MEGF6: variants seen among roughly 807,000 people sequenced by gnomAD.
MEGF6 encodes the protein multiple epidermal growth factor-like domains protein 6.
A neutral mutation model predicts 207.1 loss-of-function variants in MEGF6; 184 were observed. The ratio of observed to expected loss-of-function variants is 0.89; its 90% CI spans 0.79 to 1.00. The LOEUF is 1.00. MEGF6 is among the 50% of genes least tolerant of loss of function. The probability of loss-of-function intolerance (pLI) is 0.00; values close to 1 mark genes in which losing one functional copy is unlikely to be tolerated. For synonymous variants in MEGF6, 1,038 were observed against 910.0 expected, an observed-to-expected ratio of 1.14 and a Z score of -2.53; for missense variants, 2,282 against 2,202.9, an observed-to-expected ratio of 1.04 and a Z score of -0.72.
At chr1:3,617,437 A>G in the MEGF6 span, among the ~76,000 whole-genome samples, 4 of 152,134 alleles carry the variant, frequency 2.6e-5, no homozygotes, top group Non-Finnish European at 4.4e-5. Context: ...TGATGAGAAC[A>G]CATGGACACA....
At position 3,594,192 on chromosome 1, in the gene MEGF6, G is replaced by T. The variant is rs1054173129; in HGVS notation, c.376+1146C>A. On this transcript the variant is annotated intron_variant, in intron 3 of 36. Transcript: ENST00000356575. The surrounding 1 kb of genome is among the most constrained non-coding windows in gnomAD (Gnocchi z 4.2). ...ACCTGTAATCCCAGCACTTTGGAAG[G>T]CCGAGGTGGAAGGATCGCTTGAGCC... Among the ~76,000 whole-genome samples, 1 of 152,228 alleles carries T rather than the reference G, an allele frequency of 6.6e-6. No individual in the cohort carries two copies. The highest frequency in any genetic ancestry group is 1.5e-5 in the Non-Finnish European group (1 of 68,042).
intron 4 of MEGF6, among the ~76,000 whole-genome samples, chr1:3,541,926 CCG>C (rs1477255882): frequency 2.0e-5 from 3 of 152,234 alleles, no homozygotes; most frequent in African/African-American, 7.2e-5. Flanking sequence ...CAGAGCCCAC[CCG>C]CGTCCCACAG....
chr1:3,540,482 C>A (rs1391059092), intron 4 of MEGF6, among the ~76,000 whole-genome samples: 5 of 152,236 alleles, frequency 3.3e-5, no homozygotes, highest in African/African-American at 1.2e-4. Context: ...GGCTCCAGGG[C>A]CCATGGGCGA....
chr1:3,496,085 G>C (rs1229157363), intron 29 of MEGF6, 67 bp from the exon 30 acceptor site: 1 of 1,458,202 alleles, frequency 6.9e-7, no homozygotes, highest in Non-Finnish European at 9.0e-7. Flanking sequence ...ACCCCGGAGT[G>C]GGGATAGGAC....
chr1:3,495,182 T>C (rs1640549706), intron 30 of MEGF6, among the ~76,000 whole-genome samples: 1 of 152,186 alleles, frequency 6.6e-6, no homozygotes, highest in Non-Finnish European at 1.5e-5. Context: ...GGATGCCTGA[T>C]GACCGGCCTG....
In MEGF6 at chr1:3,495,981, G is replaced by T. The variant is rs751320519; in HGVS notation, c.3780C>A (p.His1260Gln). ...CCGCCCCCTGCCCACACCCACACAC[G>T]TGGGTGCAGTTGGGGCCGAAGCGGC... ...PQGRFGPNCT[H>Q]VCGCGQGAAC... Residue 1260 changes from histidine to glutamine, a missense_variant, in exon 30 of 37, where the codon CAC (histidine) becomes CAA (glutamine). By Grantham distance (24) the His-to-Gln change is conservative (BLOSUM62 0). Coordinates refer to ENST00000356575, the MANE Select transcript of MEGF6 (RefSeq NM_001409.4). 1.9e-6 allele frequency: 3 copies of T among 1,568,120 alleles called. No individual in the cohort carries two copies. The highest frequency in any genetic ancestry group is 2.3e-5 in the South Asian group (2 of 86,626).
chr1:3,498,938 G>A (rs953348608), intron 24 of MEGF6, 112 bp from the exon 25 acceptor site: 6 of 1,446,348 alleles, frequency 4.1e-6, no homozygotes, highest in South Asian at 1.3e-5. Context: ...CTTGCAGGGG[G>A]CTGCCCCTAG....
intron 4 of MEGF6, among the ~76,000 whole-genome samples, chr1:3,570,130 C>A (rs1177648231): frequency 6.6e-6 from 1 of 152,212 alleles, no homozygotes; most frequent in Non-Finnish European, 1.5e-5. Flanking sequence ...GGTGGCCCAG[C>A]CTGAGCATAG....
intron 4 of MEGF6, among the ~76,000 whole-genome samples, chr1:3,529,004 G>A (rs1642058016): frequency 6.6e-6 from 1 of 152,168 alleles, no homozygotes; most frequent in Non-Finnish European, 1.5e-5. Flanking sequence ...GCTGGAAATC[G>A]GGGCTCCCAG....
chr1:3,506,146 A>G lies in MEGF6; in HGVS notation c.1880T>C (p.Leu627Pro). Residue 627 changes from leucine to proline, a missense_variant, in exon 15 of 37, where the codon CTC (leucine) becomes CCC (proline). Physicochemically the swap from Leu to Pro is moderately conservative, Grantham distance 98. Coordinates refer to ENST00000356575, the MANE Select transcript of MEGF6 (RefSeq NM_001409.4). Reference sequence around the variant, plus strand: ...GCGGCCGTAGAGCCCTGGGTCGCAGAGGCAGGCCCCGTAGAGGCGGTGGCA... The same window carrying G: ...GCGGCCGTAGAGCCCTGGGTCGCAGGGGCAGGCCCCGTAGAGGCGGTGGCA... ...GRCHRLYGAC[L>P]CDPGLYGRFC... 1 of 1,598,912 alleles carries G rather than the reference A, an allele frequency of 6.3e-7. No individual in the cohort carries two copies. The highest frequency in any genetic ancestry group is 8.5e-7 in the Non-Finnish European group (1 of 1,173,388).
rs984114748 is a variant in MEGF6 at position 3,492,576 on chromosome 1, G to T, written c.4516+63C>A. 10 of 1,587,758 alleles carry T rather than the reference G, an allele frequency of 6.3e-6. No individual in the cohort carries two copies. The Admixed American group carries it at 8.4e-5, about 13-fold the overall frequency. The stretch of plus-strand genomic sequence containing the variant: ...GGGTGAGAGAGGGATCCTCTGCCAG[G>T]GTGGAGCTGAGGCTGATTGGGGGAT... On this transcript the variant is annotated intron_variant, in intron 35 of 36. Coordinates refer to ENST00000356575, the MANE Select transcript of MEGF6 (RefSeq NM_001409.4).
chr1:3,609,043 G>A (rs36031771), intron 1 of MEGF6, among the ~76,000 whole-genome samples: 77,293 of 152,112 alleles, frequency 0.51, 20,662 homozygotes, highest in Non-Finnish European at 0.61. Flanking sequence ...CAGTGGTTCA[G>A]GAACACTCAG....
chr1:3,549,112 T>C (rs1642806561), intron 4 of MEGF6, among the ~76,000 whole-genome samples: 1 of 148,944 alleles, frequency 6.7e-6, no homozygotes. Flanking sequence ...GGCTCCGCGC[T>C]GGGTGATCTG....
Position 3,529,698 on chromosome 1 carries a change from G to T in MEGF6, c.482-5452C>A, listed in dbSNP as rs759256755. 9.2e-5 allele frequency among the ~76,000 whole-genome samples: 14 copies of T among 152,166 alleles called. 1 individual carries two copies. The highest frequency in any genetic ancestry group is 3.4e-4 in the African/African-American group (14 of 41,444). ...AGGCTGGGAGGTGGAGGAGCCTCAG[G>T]GAGCCCATGGGGCCCCCAGCGACCA... is the stretch of plus-strand genomic sequence containing the variant. On this transcript the variant is annotated intron_variant, in intron 4 of 36. Coordinates refer to ENST00000356575, the MANE Select transcript of MEGF6 (RefSeq NM_001409.4).
At chr1:3,592,071 T>G in intron 3 of MEGF6, among the ~76,000 whole-genome samples, 1 of 152,172 alleles carries the variant, frequency 6.6e-6, no homozygotes, top group East Asian at 1.9e-4. Context: ...CCACCCATTC[T>G]GCCCTGCCAG....
intron 4 of MEGF6, among the ~76,000 whole-genome samples, chr1:3,533,359 C>G (rs1642233055): frequency 6.6e-6 from 1 of 152,250 alleles, no homozygotes; most frequent in Non-Finnish European, 1.5e-5. Context: ...CCTCTGAGCC[C>G]TTGCCATGAG....
In MEGF6 at chr1:3,524,556, G is replaced by A. The variant is rs547241598; in HGVS notation, c.482-310C>T. On this transcript the variant is annotated intron_variant, in intron 4 of 36. Transcript: ENST00000356575. ...TCAAGACTGAACCGGGAGCGCACGC[G>A]GTTTTCTTAAGTCCAAATCTACAAA... Among the ~76,000 whole-genome samples, 391 of 152,334 alleles carry A rather than the reference G, an allele frequency of 2.6e-3. 6 individuals are homozygous for A. The highest frequency in any genetic ancestry group is 5.0e-3 in the East Asian group (26 of 5,178).
chr1:3,497,559 G>A (rs1640664900), intron 26 of MEGF6, 198 bp from the exon 27 acceptor site: 2 of 757,786 alleles, frequency 2.6e-6, no homozygotes, highest in Non-Finnish European at 4.5e-6. Flanking sequence ...AGGTGGCAGG[G>A]GCCTCCCCAC....
upstream of MEGF6, among the ~76,000 whole-genome samples, chr1:3,612,785 T>C (rs1265297560): frequency 6.6e-6 from 1 of 152,170 alleles, no homozygotes; most frequent in African/African-American, 2.4e-5. Flanking sequence ...ACTGTCCCGA[T>C]AGGAGGGACA....
Sources: gnomAD v4.1 joint callset for allele counts (sites outside exome capture counted in the v4.1 genomes callset) on GRCh38, gnomAD v4.1.1 for gene constraint, Gnocchi (gnomAD v3.1) non-coding constraint, MANE v1.5 for transcripts, NCBI Gene and HGNC (gene_info 2026-07-23, HGNC 2026-07-21) for gene names.